The following RALGAPA1 variants were observed in gnomAD, a reference collection of about 807,000 sequenced individuals.
The protein encoded by RALGAPA1 is Ral GTPase activating protein catalytic subunit alpha 1, also known as ral GTPase-activating protein subunit alpha-1.
RALGAPA1 carries 52 observed loss-of-function variants against 269.6 expected under a neutral mutation model. That is an observed-to-expected ratio of 0.19 (90% CI 0.15 to 0.24). The LOEUF is 0.24. Among genes scored for constraint, RALGAPA1 ranks in the 10% least tolerant of loss-of-function variants. The probability of loss-of-function intolerance (pLI) is 1.00; values close to 1 mark genes in which losing one functional copy is unlikely to be tolerated. For missense variants in RALGAPA1, 1,917 were observed against 3,013.9 expected (o/e 0.64, Z 8.52); for synonymous variants, 817 against 1,008.3 (o/e 0.81, Z 3.60).
chr14:35,549,260 C>T, intron 39 of RALGAPA1, 26 bp from the exon 40 acceptor site: 2 of 1,606,760 alleles, frequency 1.2e-6, no homozygotes, highest in Non-Finnish European at 1.7e-6. Flanking sequence ...TAAGGATAAA[C>T]TTAAGTGCAG....
chr14:35,715,768 C>G lies in RALGAPA1; in HGVS notation c.2266+5920G>C, dbSNP rs2068761986. 3 of 985,240 alleles carry G rather than the reference C, an allele frequency of 3.0e-6. No individual in the cohort carries two copies. In the South Asian group the frequency reaches 1.4e-4, roughly 46 times the overall value. 61.0% of individuals were successfully genotyped at this position (985,240 alleles called of 1,614,324 possible). ...TTAACATGGAAGTCTTCAATTCAGT[C>G]ATCCAACCTTGAAGCTTGCTCAAGT... On this transcript the variant is annotated intron_variant, in intron 16 of 41. Transcript: ENST00000680220.
chr14:35,628,085 A>G (rs1233865571), intron 33 of RALGAPA1, 134 bp from the exon 34 acceptor site: 1 of 1,028,934 alleles, frequency 9.7e-7, no homozygotes, highest in East Asian at 2.6e-5. Context: ...TAATACAGTA[A>G]TGATGGCAAA....
chr14:35,719,764 G>C (rs899083385), intron 16 of RALGAPA1, among the ~76,000 whole-genome samples: 3 of 151,164 alleles, frequency 2.0e-5, no homozygotes, highest in Non-Finnish European at 4.4e-5. Context: ...TTTTGAGACA[G>C]AGTCGCCCTC....
intron 9 of RALGAPA1, 151 bp from the exon 10 acceptor site, chr14:35,748,975 TA>T: frequency 7.7e-7 from 1 of 1,297,216 alleles, no homozygotes; most frequent in Non-Finnish European, 1.0e-6. Flanking sequence ...GAGTTTCATT[TA>T]AAAGCCATTC....
intron 35 of RALGAPA1, among the ~76,000 whole-genome samples, chr14:35,618,084 T>C: frequency 6.6e-6 from 1 of 152,100 alleles, no homozygotes; most frequent in East Asian, 1.9e-4. Flanking sequence ...AAAGAAAAAT[T>C]AGAAATGTTA....
At chr14:35,586,728 T>C (rs544162918) in intron 37 of RALGAPA1, among the ~76,000 whole-genome samples, 1 of 152,330 alleles carries the variant, frequency 6.6e-6, no homozygotes, top group Admixed American at 6.5e-5. Context: ...CATGTGGTTT[T>C]TGTCTTTGGT....
chr14:35,778,885 A>T (rs941177806), intron 1 of RALGAPA1, among the ~76,000 whole-genome samples: 6 of 152,196 alleles, frequency 3.9e-5, no homozygotes, highest in African/African-American at 1.4e-4. Context: ...ACAGAAACTA[A>T]TTCCTATAAT....
At chr14:35,762,435 T>C (rs569759178) in intron 5 of RALGAPA1, among the ~76,000 whole-genome samples, 42 of 152,258 alleles carry the variant, frequency 2.8e-4, no homozygotes, top group Middle Eastern at 6.8e-3. Flanking sequence ...TTTGTATTTT[T>C]AGTAGAGACA....
chr14:35,751,902 T>C, intron 8 of RALGAPA1, 122 bp downstream of exon 8: 1 of 1,348,066 alleles, frequency 7.4e-7, no homozygotes, highest in South Asian at 1.6e-5. Context: ...GTATCATATC[T>C]ATACCAACCA....
intron 22 of RALGAPA1, 92 bp downstream of exon 22, chr14:35,677,858 A>T (rs1453443653): frequency 8.4e-7 from 1 of 1,189,654 alleles, no homozygotes; most frequent in East Asian, 2.5e-5. Context: ...TACAATAATC[A>T]TATATAATCA....
chr14:35,714,227 C>T (rs1258018523), intron 16 of RALGAPA1, among the ~76,000 whole-genome samples: 1 of 152,038 alleles, frequency 6.6e-6, no homozygotes. Flanking sequence ...TCAAAGTAGC[C>T]GTACCATTTT....
chr14:35,733,593 T>C (rs4981301), intron 12 of RALGAPA1, among the ~76,000 whole-genome samples: 4 of 151,936 alleles, frequency 2.6e-5, no homozygotes, highest in South Asian at 2.1e-4. Context: ...GGAAAGTTCA[T>C]AGCCCTAAAA....
intron 33 of RALGAPA1, among the ~76,000 whole-genome samples, chr14:35,633,100 A>T (rs1021882354): frequency 6.6e-6 from 1 of 152,168 alleles, no homozygotes; most frequent in African/African-American, 2.4e-5. Flanking sequence ...TTTTACAGTG[A>T]CTGATATTGG....
At chr14:35,775,554 T>C (rs956359544) in intron 2 of RALGAPA1, 81 bp downstream of exon 2, 11 of 1,464,538 alleles carry the variant, frequency 7.5e-6, no homozygotes, top group Non-Finnish European at 9.9e-6. Context: ...AGTGAAACAA[T>C]ATGTCCAACA....
intron 39 of RALGAPA1, 133 bp from the exon 40 acceptor site, chr14:35,549,367 A>G: frequency 2.2e-6 from 2 of 913,088 alleles, no homozygotes; most frequent in Non-Finnish European, 3.1e-6. Flanking sequence ...ATTCTTATAT[A>G]TTGTTAACAG....
intron 1 of RALGAPA1, among the ~76,000 whole-genome samples, chr14:35,802,181 G>A (rs893323100): frequency 6.6e-6 from 1 of 152,154 alleles, no homozygotes; most frequent in Non-Finnish European, 1.5e-5. Flanking sequence ...AGTGGTGTGT[G>A]CCTGTAATCC....
intron 22 of RALGAPA1, chr14:35,677,396 A>G (rs1290954938): frequency 1.3e-5 from 2 of 154,340 alleles, no homozygotes; most frequent in Non-Finnish European, 2.9e-5. Context: ...TACAAAATCT[A>G]GCAAAAATAA....
intron 21 of RALGAPA1, among the ~76,000 whole-genome samples, chr14:35,679,403 C>A (rs1044231586): frequency 1.3e-5 from 2 of 152,190 alleles, no homozygotes; most frequent in Admixed American, 6.5e-5. Context: ...TATGGTAAGT[C>A]AAAATTGTAC....
At chr14:35,745,585 G>A (rs1324782874) in intron 10 of RALGAPA1, among the ~76,000 whole-genome samples, 1 of 151,180 alleles carries the variant, frequency 6.6e-6, no homozygotes, top group Non-Finnish European at 1.5e-5. Flanking sequence ...TCAACATGGT[G>A]AAACCCCATC....
Sources: allele counts gnomAD v4.1 joint callset (sites outside exome capture counted in the v4.1 genomes callset), GRCh38; gene constraint gnomAD v4.1.1; transcripts MANE v1.5; gene names NCBI Gene and HGNC (gene_info 2026-07-23, HGNC 2026-07-21).